Variants in PRKG1 observed in about 807,000 individuals in gnomAD.
PRKG1 encodes protein kinase cGMP-dependent 1.
PRKG1 carries 35 observed loss-of-function variants against 88.1 expected under a neutral mutation model. The observed-to-expected ratio is 0.40, with a 90% CI of 0.30 to 0.53. The LOEUF is 0.53. PRKG1 is among the 20% of genes least tolerant of loss of function. The pLI, the probability that PRKG1 is intolerant of heterozygous loss-of-function variation, is 0.59. For missense variants in PRKG1, 540 were observed against 839.8 expected (o/e 0.64, Z 4.41); for synonymous variants, 303 against 292.5 (o/e 1.04, Z -0.37).
intron 7 of PRKG1, among the ~76,000 whole-genome samples, chr10:52,120,045 G>A (rs1223061024): frequency 6.6e-6 from 1 of 151,762 alleles, no homozygotes; most frequent in Non-Finnish European, 1.5e-5. Context: ...GAGAGAGGGA[G>A]ACAGAGACAG....
intron 4 of PRKG1, among the ~76,000 whole-genome samples, chr10:51,850,801 G>T (rs1354407889): frequency 1.3e-5 from 2 of 152,052 alleles, no homozygotes; most frequent in Admixed American, 6.6e-5. Flanking sequence ...TCACCTTTTA[G>T]ATTGGTAAAC....
chr10:51,063,050 G>C (rs575596737), intron 1 of PRKG1: 2 of 152,282 alleles, frequency 1.3e-5, no homozygotes, highest in Admixed American at 1.3e-4. Flanking sequence ...TTGAAGCACA[G>C]TTTTAGAGAA....
At chr10:51,894,754 T>C (rs575014895) in intron 4 of PRKG1, among the ~76,000 whole-genome samples, 3 of 152,204 alleles carry the variant, frequency 2.0e-5, no homozygotes, top group Non-Finnish European at 2.9e-5. Flanking sequence ...TATAGTGTAG[T>C]TTTAGAAGAC....
chr10:52,221,722 T>C (rs1840251026), intron 9 of PRKG1, among the ~76,000 whole-genome samples: 1 of 152,190 alleles, frequency 6.6e-6, no homozygotes, highest in African/African-American at 2.4e-5. Flanking sequence ...AGATGATAAG[T>C]TGATCTAAAA....
At chr10:51,939,659 C>T (rs1842864666) in intron 5 of PRKG1, among the ~76,000 whole-genome samples, 1 of 150,942 alleles carries the variant, frequency 6.6e-6, no homozygotes, top group African/African-American at 2.4e-5. Flanking sequence ...TTTAACTTGT[C>T]TTTTTTGGCC....
intron 9 of PRKG1, among the ~76,000 whole-genome samples, chr10:52,202,332 T>C (rs1199973101): frequency 6.6e-6 from 1 of 152,220 alleles, no homozygotes; most frequent in East Asian, 1.9e-4. Flanking sequence ...ATTCCACTTA[T>C]GTGATGAATC....
chr10:51,560,752 A>G (rs10998118), intron 3 of PRKG1, among the ~76,000 whole-genome samples: 22,570 of 152,018 alleles, frequency 0.15, 1,852 homozygotes, highest in African/African-American at 0.22. Context: ...ATTAGAAAAT[A>G]TATGTAGCAA....
At chr10:51,047,837 T>G (rs966904456) in intron 1 of PRKG1, among the ~76,000 whole-genome samples, 1 of 152,174 alleles carries the variant, frequency 6.6e-6, no homozygotes, top group African/African-American at 2.4e-5. Flanking sequence ...ATATATTTTT[T>G]TATAAAAGTG....
chr10:51,841,825 G>A (rs1840284206), intron 4 of PRKG1, among the ~76,000 whole-genome samples: 1 of 152,080 alleles, frequency 6.6e-6, no homozygotes, highest in Non-Finnish European at 1.5e-5. Context: ...TGGGATTATA[G>A]ATGTGCACCT....
intron 3 of PRKG1, among the ~76,000 whole-genome samples, chr10:51,478,739 A>G (rs1013022453): frequency 2.6e-5 from 2 of 77,108 alleles, no homozygotes; most frequent in African/African-American, 7.2e-5. Flanking sequence ...GCAGAGTGAG[A>G]TACTGAAAAA....
At chr10:51,671,761 T>C (rs1840585954) in intron 3 of PRKG1, among the ~76,000 whole-genome samples, 1 of 152,114 alleles carries the variant, frequency 6.6e-6, no homozygotes, top group African/African-American at 2.4e-5. Context: ...TAATTTTTTG[T>C]ATTTTTTGTA....
intron 2 of PRKG1, among the ~76,000 whole-genome samples, chr10:51,308,798 G>T (rs1049912958): frequency 2.0e-5 from 3 of 152,120 alleles, no homozygotes; most frequent in African/African-American, 7.2e-5. Flanking sequence ...GGGGTTTTAG[G>T]ACCGGCAAGC....
In PRKG1 at chr10:51,992,566, T is replaced by A. The variant is rs926756621; in HGVS notation, c.763-61918T>A. On this transcript the variant is annotated intron_variant, in intron 5 of 17. Coordinates refer to ENST00000373980, the MANE Select transcript of PRKG1 (RefSeq NM_006258.4). ...GGTAACTTTTAGATTACCCCCAACT[T>A]TGTCCACCTTCTGCCACTTCCCCAG... Among the ~76,000 whole-genome samples the A allele has an allele frequency of 4.0e-4, 61 of 152,098 alleles. 1 individual carries two copies. Among genetic ancestry groups the A allele is most frequent in the Admixed American group, 2.5e-3 (38 of 15,256 alleles).
intron 3 of PRKG1, among the ~76,000 whole-genome samples, chr10:51,549,826 A>G (rs971684693): frequency 6.6e-6 from 1 of 152,104 alleles, no homozygotes; most frequent in Non-Finnish European, 1.5e-5. Context: ...CCAAGTTTTT[A>G]GCCTTCCGAT....
intron 3 of PRKG1, among the ~76,000 whole-genome samples, chr10:51,562,388 A>T (rs1267787464): frequency 6.6e-6 from 1 of 152,156 alleles, no homozygotes; most frequent in African/African-American, 2.4e-5. Context: ...AAAATGAATT[A>T]TCTTACTACT....
intron 3 of PRKG1, among the ~76,000 whole-genome samples, chr10:51,648,830 A>G (rs1251544615): frequency 6.6e-6 from 1 of 152,166 alleles, no homozygotes; most frequent in African/African-American, 2.4e-5. Context: ...GGAATTAACT[A>G]TGTCACATGG....
At chr10:51,328,975 A>C (rs1841661950) in intron 2 of PRKG1, among the ~76,000 whole-genome samples, 1 of 152,026 alleles carries the variant, frequency 6.6e-6, no homozygotes, top group Non-Finnish European at 1.5e-5. Flanking sequence ...AGTTTCTTAC[A>C]TATTTTAGGC....
At position 51,031,111 on chromosome 10, in the gene PRKG1, A is replaced by G. The variant is rs925891316; in HGVS notation, c.266+39467A>G. Among the ~76,000 whole-genome samples, 14 of 152,150 alleles carry G rather than the reference A, an allele frequency of 9.2e-5. No homozygotes were observed. The East Asian group carries it at 1.7e-3, about 19-fold the overall frequency. On this transcript the variant is annotated intron_variant, in intron 1 of 17. Coordinates refer to the PRKG1 transcript ENST00000401604. The stretch of plus-strand genomic sequence containing the variant: ...TCTGGAAAAGATCAATCTTGACTCT[A>G]TTTGCATTTTCAAAAGTATTCATTG...
At position 51,750,018 on chromosome 10, in the gene PRKG1, C is replaced by T. The variant is rs148667828; in HGVS notation, c.593-54567C>T. Among the ~76,000 whole-genome samples the T allele has an allele frequency of 6.6e-5, 10 of 151,622 alleles. No homozygotes were observed. In the East Asian group the frequency reaches 1.8e-3, roughly 27 times the overall value. ...TGGCGTGATCTTGGCTCGCTGCAAC[C>T]TCTGCCTCCCAGGTTTAAGCGATTC... is the stretch of plus-strand genomic sequence containing the variant. On this transcript the variant is annotated intron_variant, in intron 3 of 17. Transcript: ENST00000373980.
Sources: gnomAD v4.1 joint callset for allele counts (sites outside exome capture counted in the v4.1 genomes callset) on GRCh38, gnomAD v4.1.1 for gene constraint, MANE v1.5 for transcripts, NCBI Gene and HGNC (gene_info 2026-07-23, HGNC 2026-07-21) for gene names.